DCC: variants seen among roughly 807,000 people sequenced by gnomAD.
DCC encodes DCC netrin 1 receptor, also known as netrin receptor DCC.
DCC carries 58 observed loss-of-function variants against 172.5 expected under a neutral mutation model. That is an observed-to-expected ratio of 0.34 (90% confidence interval 0.27 to 0.42). The LOEUF (loss-of-function observed/expected upper bound fraction) is 0.42. Ranked by LOEUF, DCC falls within the 10% of genes least tolerant of loss-of-function variation. The pLI, the probability that DCC is intolerant of heterozygous loss-of-function variation, is 1.00. For missense variants in DCC, 1,740 were observed against 1,791.0 expected, an observed-to-expected ratio of 0.97 and a Z score of 0.51; for synonymous variants, 709 against 644.5, an observed-to-expected ratio of 1.10 and a Z score of -1.52.
intron 5 of DCC, among the ~76,000 whole-genome samples, chr18:52,990,008 A>G (rs549846684): frequency 1.2e-4 from 18 of 152,206 alleles, no homozygotes; most frequent in Non-Finnish European, 2.4e-4. Flanking sequence ...ACTTTGGAAT[A>G]TGAAATAATT....
intron 12 of DCC, among the ~76,000 whole-genome samples, chr18:53,226,948 A>ATATATATATT: frequency 1.1e-4 from 6 of 52,948 alleles, no homozygotes; most frequent in African/African-American, 3.8e-4. Flanking sequence ...ATATATATAT[A>ATATATATATT]TTTTTTTTTT....
chr18:53,528,256 A>C (rs1032750012), intron 28 of DCC, among the ~76,000 whole-genome samples: 3 of 152,140 alleles, frequency 2.0e-5, no homozygotes, highest in African/African-American at 7.2e-5. Flanking sequence ...TTTTAACGAC[A>C]TAGAGATCAG....
At position 53,318,720 on chromosome 18, in the gene DCC, C is replaced by T. The variant is rs549309491; in HGVS notation, c.2054-3327C>T. The stretch of plus-strand genomic sequence containing the variant: ...TTAGCTCTTCTTGTTTCATTGATCA[C>T]TTTACCATTATATAATGCCCTTCTT... On this transcript the variant is annotated intron_variant, in intron 13 of 28. Transcript: ENST00000442544. Among the ~76,000 whole-genome samples, 3 of 147,546 alleles carry T rather than the reference C, an allele frequency of 2.0e-5. No individual in the cohort carries two copies. The South Asian group carries it at 6.5e-4, about 32-fold the overall frequency.
At chr18:53,477,695 A>C (rs116542454) in intron 25 of DCC, among the ~76,000 whole-genome samples, 291 of 152,336 alleles carry the variant, frequency 1.9e-3, no homozygotes, top group African/African-American at 6.0e-3. Context: ...ACTCACAGAG[A>C]AAATGTATTT....
At chr18:52,936,141 C>T (rs183473857) in intron 5 of DCC, among the ~76,000 whole-genome samples, 1 of 152,216 alleles carries the variant, frequency 6.6e-6, no homozygotes, top group Admixed American at 6.6e-5. Context: ...ACTATTAAAT[C>T]CCACCTATTA....
chr18:52,440,759 T>G (rs1465399405), intron 1 of DCC, among the ~76,000 whole-genome samples: 1 of 152,224 alleles, frequency 6.6e-6, no homozygotes, highest in East Asian at 1.9e-4. Context: ...TCAGTCATTT[T>G]CTGATGATTC....
In DCC at chr18:53,261,662, CCAT is replaced by C. The variant is rs2056604905; in HGVS notation, c.1912-43912_1912-43910del. 5.3e-5 allele frequency among the ~76,000 whole-genome samples: 8 copies of C among 152,192 alleles called. No homozygotes were observed. The South Asian group carries it at 1.7e-3, about 32-fold the overall frequency. ...GAGTAGCTGGGACTACAGGTGCCTG[CCAT>C]CATACCCGGCTAATTTTTTGTATTT... On this transcript the variant is annotated intron_variant, in intron 12 of 28. Coordinates refer to ENST00000442544, the MANE Select transcript of DCC (RefSeq NM_005215.4).
chr18:52,786,306 C>A (rs28842312), intron 2 of DCC, among the ~76,000 whole-genome samples: 1 of 151,890 alleles, frequency 6.6e-6, no homozygotes, highest in Non-Finnish European at 1.5e-5. Flanking sequence ...TTGTTTCTTC[C>A]AAGCTGCAGG....
rs1348806064 is a variant in DCC, at chr18:52,488,194, A to AT, written c.91+147322dup. Among the ~76,000 whole-genome samples, 3 of 152,168 alleles carry AT rather than the reference A, an allele frequency of 2.0e-5. No individual in the cohort carries two copies. The South Asian group carries it at 6.2e-4, about 32-fold the overall frequency. On this transcript the variant is annotated intron_variant, in intron 1 of 28. Coordinates refer to ENST00000442544, the MANE Select transcript of DCC (RefSeq NM_005215.4). The stretch of plus-strand genomic sequence containing the variant: ...TTTTGTTTTCCCAGAATTATTCCTC[A>AT]TTTTTTGCAGACTCTTCTTTGATTA...
chr18:53,326,310 A>G (rs1294315331), intron 14 of DCC, among the ~76,000 whole-genome samples: 2 of 152,198 alleles, frequency 1.3e-5, no homozygotes, highest in Admixed American at 6.5e-5. Flanking sequence ...ATGAAAACTG[A>G]AAGCCATTTC....
intron 12 of DCC, among the ~76,000 whole-genome samples, chr18:53,248,242 G>A (rs374816478): frequency 6.6e-6 from 1 of 151,966 alleles, no homozygotes; most frequent in African/African-American, 2.4e-5. Context: ...TATGTTGGAA[G>A]ATGGTGACCC....
chr18:52,682,480 C>T (rs529135029), intron 1 of DCC, among the ~76,000 whole-genome samples: 2 of 152,076 alleles, frequency 1.3e-5, no homozygotes, highest in South Asian at 4.2e-4. Flanking sequence ...GAATAGTGGG[C>T]CTGGAGAACC....
In DCC at chr18:52,358,934, T is replaced by G. The variant is rs1015180956; in HGVS notation, c.91+18056T>G. Among the ~76,000 whole-genome samples the G allele has an allele frequency of 4.6e-5, 7 of 152,224 alleles. No homozygotes were observed. The South Asian group carries it at 1.4e-3, about 32-fold the overall frequency. On this transcript the variant is annotated intron_variant, in intron 1 of 28. Transcript: ENST00000442544. Reference sequence around the variant, plus strand: ...GTCCACTGACAAGACTGTCCCAATGTTGATTCTCCCTCTGTTAAACTCTAT... The same window carrying G: ...GTCCACTGACAAGACTGTCCCAATGGTGATTCTCCCTCTGTTAAACTCTAT...
intron 5 of DCC, among the ~76,000 whole-genome samples, chr18:52,979,578 A>C (rs184913438): frequency 2.6e-5 from 4 of 152,306 alleles, no homozygotes; most frequent in African/African-American, 7.2e-5. Context: ...CCCTCTCCCA[A>C]GTAAGGAGAA....
intron 5 of DCC, among the ~76,000 whole-genome samples, chr18:52,926,876 C>CAT (rs1230536715): frequency 2.8e-5 from 4 of 143,456 alleles, no homozygotes; most frequent in African/African-American, 1.0e-4. Flanking sequence ...TATACATATA[C>CAT]ATATATACAC....
At chr18:53,001,571 A>T (rs542350168) in intron 5 of DCC, among the ~76,000 whole-genome samples, 1 of 152,190 alleles carries the variant, frequency 6.6e-6, no homozygotes, top group Non-Finnish European at 1.5e-5. Flanking sequence ...CTTTCTGAAA[A>T]GTTTCAGTAT....
In DCC at chr18:52,340,686, G is replaced by T; in HGVS notation, c.-102G>T. On this transcript the variant is annotated 5_prime_UTR_variant, in exon 1 of 29. Coordinates refer to ENST00000442544, the MANE Select transcript of DCC (RefSeq NM_005215.4). ...ACGAGGAGGAGGAGGAAGCCGAAGG[G>T]GCTCGGCGCGTGTGTGTGCATGTGT... 1 of 857,714 alleles carries T rather than the reference G, an allele frequency of 1.2e-6. No homozygotes were observed. Among genetic ancestry groups the T allele is most frequent in the Non-Finnish European group, 2.0e-6 (1 of 491,910 alleles). 53.1% of individuals were successfully genotyped at this position (857,714 alleles called of 1,614,324 possible).
chr18:52,587,266 T>C (rs1194468447), intron 1 of DCC, among the ~76,000 whole-genome samples: 4 of 152,154 alleles, frequency 2.6e-5, no homozygotes, highest in Admixed American at 2.0e-4. Flanking sequence ...TGAGTGGAAG[T>C]CTATGTTGCT....
At chr18:52,395,763 C>G (rs1388258393) in intron 1 of DCC, among the ~76,000 whole-genome samples, 1 of 151,962 alleles carries the variant, frequency 6.6e-6, no homozygotes, top group Admixed American at 6.6e-5. Context: ...ACATCTATTA[C>G]GGGTCATGGC....
Sources: allele counts gnomAD v4.1 joint callset (sites outside exome capture counted in the v4.1 genomes callset), GRCh38; gene constraint gnomAD v4.1.1; transcripts MANE v1.5; gene names NCBI Gene and HGNC (gene_info 2026-07-23, HGNC 2026-07-21).